The following PHACTR1 variants were observed in gnomAD, a reference collection of about 807,000 sequenced individuals.
The protein encoded by PHACTR1 is phosphatase and actin regulator 1.
In PHACTR1, 16 loss-of-function variants were observed where a neutral mutation model predicts 69.2. The observed-to-expected ratio is 0.23, with a 90% CI of 0.16 to 0.35. The LOEUF is 0.35. Ranked by LOEUF, PHACTR1 falls within the 10% of genes least tolerant of loss-of-function variation. PHACTR1 has a pLI of 1.00. For missense variants in PHACTR1, 510 were observed against 734.7 expected, an observed-to-expected ratio of 0.69 and a Z score of 3.54; for synonymous variants, 312 against 284.5, an observed-to-expected ratio of 1.10 and a Z score of -0.97.
intron 5 of PHACTR1, among the ~76,000 whole-genome samples, chr6:13,078,570 T>G (rs1451386131): frequency 6.6e-6 from 1 of 152,196 alleles, no homozygotes; most frequent in Admixed American, 6.6e-5. Context: ...CTAGTTTCCT[T>G]AGGCATTTTC....
At chr6:12,843,875 G>A (rs1778938148) in intron 4 of PHACTR1, among the ~76,000 whole-genome samples, 1 of 152,126 alleles carries the variant, frequency 6.6e-6, no homozygotes, top group African/African-American at 2.4e-5. Context: ...GTTTTAGCTG[G>A]TCATAAAAGT....
intron 4 of PHACTR1, among the ~76,000 whole-genome samples, chr6:12,766,301 T>C (rs1768603479): frequency 2.0e-5 from 3 of 152,176 alleles, no homozygotes. Flanking sequence ...GAAGGAAAAT[T>C]ATTAAGATAT....
intron 10 of PHACTR1, among the ~76,000 whole-genome samples, chr6:13,241,719 C>T (rs1274518242): frequency 1.3e-5 from 2 of 152,052 alleles, no homozygotes; most frequent in African/African-American, 4.8e-5. Flanking sequence ...TCATGCTCGA[C>T]TCTTATTAGA....
chr6:12,722,642 C>A (rs961734042), intron 3 of PHACTR1, among the ~76,000 whole-genome samples: 2 of 152,186 alleles, frequency 1.3e-5, no homozygotes, highest in Non-Finnish European at 2.9e-5. Flanking sequence ...CTGATCTATT[C>A]TTCTGAATAA....
chr6:13,218,149 A>C (rs1057125587), intron 8 of PHACTR1, among the ~76,000 whole-genome samples: 17 of 152,320 alleles, frequency 1.1e-4, no homozygotes, highest in Admixed American at 8.5e-4. Flanking sequence ...GTTTTTCTTT[A>C]GAAATGATGG....
intron 4 of PHACTR1, among the ~76,000 whole-genome samples, chr6:12,943,932 G>A (rs1025307334): frequency 9.9e-5 from 15 of 152,066 alleles, no homozygotes; most frequent in African/African-American, 3.6e-4. Flanking sequence ...TGTTTTTGCT[G>A]GAACAATAGA....
chr6:13,145,219 T>C (rs1823149591), intron 5 of PHACTR1, among the ~76,000 whole-genome samples: 1 of 152,228 alleles, frequency 6.6e-6, no homozygotes, highest in African/African-American at 2.4e-5. Context: ...CCACCTGAAA[T>C]GACTCTTGAG....
At chr6:13,084,694 A>G (rs2127807339) in intron 5 of PHACTR1, among the ~76,000 whole-genome samples, 1 of 152,190 alleles carries the variant, frequency 6.6e-6, no homozygotes, top group South Asian at 2.1e-4. Context: ...CAATTTTTAA[A>G]GGAAGAGCCA....
chr6:12,919,708 A>G (rs547400026), intron 4 of PHACTR1, among the ~76,000 whole-genome samples: 1 of 152,336 alleles, frequency 6.6e-6, no homozygotes, highest in Admixed American at 6.5e-5. Context: ...AAGTCAAGTT[A>G]AGCCATCATT....
chr6:13,128,363 A>C (rs1819880578), intron 5 of PHACTR1, among the ~76,000 whole-genome samples: 1 of 150,928 alleles, frequency 6.6e-6, no homozygotes, highest in South Asian at 2.1e-4. Flanking sequence ...CAAGGAGATA[A>C]CAGAGAACGG....
At chr6:12,819,603 G>A (rs951953383) in intron 4 of PHACTR1, among the ~76,000 whole-genome samples, 2 of 152,102 alleles carry the variant, frequency 1.3e-5, no homozygotes, top group Non-Finnish European at 2.9e-5. Flanking sequence ...ATGAATTCTT[G>A]TCTATCCCAA....
Position 13,190,395 on chromosome 6 carries a change from C to T in PHACTR1, c.664+7709C>T, listed in dbSNP as rs185744329. 2.0e-5 allele frequency among the ~76,000 whole-genome samples: 3 copies of T among 152,062 alleles called. No homozygotes were observed. The East Asian group carries it at 5.8e-4, about 30-fold the overall frequency. On this transcript the variant is annotated intron_variant, in intron 7 of 14. Transcript: ENST00000332995. ...TATTAGGGTTCCATCTTCATTGCCT[C>T]ATTTGACCTTGATTACTTCCTTACT...
At chr6:13,023,533 G>C (rs1434419688) in intron 4 of PHACTR1, among the ~76,000 whole-genome samples, 1 of 152,152 alleles carries the variant, frequency 6.6e-6, no homozygotes, top group African/African-American at 2.4e-5. Flanking sequence ...AGAGGCTCTT[G>C]GGGGGAAAAA....
intron 4 of PHACTR1, among the ~76,000 whole-genome samples, chr6:12,810,964 C>T (rs577563031): frequency 5.9e-5 from 9 of 152,298 alleles, no homozygotes; most frequent in Admixed American, 2.0e-4. Flanking sequence ...TCTTCATTGA[C>T]GCGCTTTGTG....
At chr6:12,940,626 C>T (rs1175549393) in intron 4 of PHACTR1, among the ~76,000 whole-genome samples, 1 of 152,166 alleles carries the variant, frequency 6.6e-6, no homozygotes, top group Non-Finnish European at 1.5e-5. Flanking sequence ...TATACATTCT[C>T]GCCTCTGTGT....
At chr6:13,258,827 G>A (rs1331230182) in intron 10 of PHACTR1, among the ~76,000 whole-genome samples, 1 of 152,236 alleles carries the variant, frequency 6.6e-6, no homozygotes, top group African/African-American at 2.4e-5. Context: ...AGTTTTTAAG[G>A]TGTGAGGAGA....
intron 10 of PHACTR1, among the ~76,000 whole-genome samples, chr6:13,255,989 G>A (rs769592144): frequency 3.9e-5 from 6 of 152,236 alleles, no homozygotes; most frequent in Non-Finnish European, 5.9e-5. Flanking sequence ...TTCCCTCTGC[G>A]CTGCCTTAGC....
At chr6:13,225,242 A>G (rs980126016) in intron 8 of PHACTR1, among the ~76,000 whole-genome samples, 2 of 152,114 alleles carry the variant, frequency 1.3e-5, no homozygotes, top group African/African-American at 4.8e-5. Context: ...CTTTTGGTGG[A>G]TTCACCTAGC....
intron 5 of PHACTR1, among the ~76,000 whole-genome samples, chr6:13,155,274 C>A (rs78005534): frequency 6.6e-6 from 1 of 152,314 alleles, no homozygotes; most frequent in African/African-American, 2.4e-5. Flanking sequence ...TCTTTTCAAT[C>A]ATGCAGACCC....
Sources: gnomAD v4.1 joint callset for allele counts (sites outside exome capture counted in the v4.1 genomes callset) on GRCh38, gnomAD v4.1.1 for gene constraint, MANE v1.5 for transcripts, NCBI Gene and HGNC (gene_info 2026-07-23, HGNC 2026-07-21) for gene names.